Variants in ZNF804A observed in about 807,000 individuals in gnomAD.
The protein encoded by ZNF804A is zinc finger protein 804A.
A neutral mutation model predicts 16.5 loss-of-function variants in ZNF804A; 2 were observed. That is an observed-to-expected ratio of 0.12 (90% CI 0.05 to 0.38). The LOEUF (loss-of-function observed/expected upper bound fraction) is 0.38. ZNF804A is among the 10% of genes least tolerant of loss of function. The probability of loss-of-function intolerance (pLI) is 0.99; values close to 1 mark genes in which losing one functional copy is unlikely to be tolerated. For missense variants in ZNF804A, 1,473 were observed against 1,390.7 expected, an observed-to-expected ratio of 1.06 and a Z score of -0.94; for synonymous variants, 534 against 489.6, an observed-to-expected ratio of 1.09 and a Z score of -1.20.
At chr2:184,628,319 G>T (rs1407076129) in intron 1 of ZNF804A, among the ~76,000 whole-genome samples, 1 of 149,742 alleles carries the variant, frequency 6.7e-6, no homozygotes, top group African/African-American at 2.5e-5. Flanking sequence ...CTCTGAAAAA[G>T]AAAAGAAAGA....
intron 2 of ZNF804A, among the ~76,000 whole-genome samples, chr2:184,880,212 A>C (rs1166963295): frequency 1.3e-5 from 2 of 152,104 alleles, no homozygotes; most frequent in Admixed American, 1.3e-4. Flanking sequence ...TTATAAAGGA[A>C]TGTTAAATTA....
intron 1 of ZNF804A, among the ~76,000 whole-genome samples, chr2:184,645,104 A>T (rs1691851179): frequency 6.6e-6 from 1 of 152,118 alleles, no homozygotes; most frequent in African/African-American, 2.4e-5. Context: ...CCTATAAATG[A>T]CATAAGCCCA....
At chr2:184,932,113 G>A (rs897912577) in intron 2 of ZNF804A, among the ~76,000 whole-genome samples, 3 of 152,096 alleles carry the variant, frequency 2.0e-5, no homozygotes, top group Non-Finnish European at 4.4e-5. Flanking sequence ...TAAGCCATTT[G>A]ACAAGTCTGT....
At chr2:184,794,433 T>C (rs1339677861) in intron 1 of ZNF804A, among the ~76,000 whole-genome samples, 3 of 152,114 alleles carry the variant, frequency 2.0e-5, no homozygotes, top group Non-Finnish European at 2.9e-5. Context: ...CTCTTTTTTC[T>C]TGCTAATTCG....
At chr2:184,696,771 CT>C (rs1327708479) in intron 1 of ZNF804A, among the ~76,000 whole-genome samples, 1 of 151,866 alleles carries the variant, frequency 6.6e-6, no homozygotes, top group Non-Finnish European at 1.5e-5. Context: ...TTCCTTATTC[CT>C]GTGTTCTTGC....
intron 1 of ZNF804A, among the ~76,000 whole-genome samples, chr2:184,632,709 A>G (rs1381861793): frequency 6.6e-6 from 1 of 152,198 alleles, no homozygotes; most frequent in Non-Finnish European, 1.5e-5. Flanking sequence ...GCTCATATTC[A>G]AATGAAATGG....
intron 3 of ZNF804A, 114 bp downstream of exon 3, chr2:184,933,847 C>G (rs969649786): frequency 3.4e-5 from 36 of 1,067,900 alleles, no homozygotes; most frequent in Non-Finnish European, 4.5e-5. Flanking sequence ...GAATAAGGCA[C>G]ACATGTTTTC....
intron 2 of ZNF804A, among the ~76,000 whole-genome samples, 183 bp downstream of exon 2, chr2:184,866,695 A>T (rs1284994511): frequency 4.2e-5 from 6 of 144,424 alleles, no homozygotes; most frequent in African/African-American, 1.3e-4. Flanking sequence ...TTTTTTTTAA[A>T]AAAAAAGGCA....
At chr2:184,810,609 G>T (rs536966699) in intron 1 of ZNF804A, among the ~76,000 whole-genome samples, 2 of 148,310 alleles carry the variant, frequency 1.3e-5, no homozygotes, top group East Asian at 4.1e-4. Context: ...TCCTGTCTCA[G>T]CCTTCCGAGT....
chr2:184,754,611 T>G (rs1693930627), intron 1 of ZNF804A, among the ~76,000 whole-genome samples: 1 of 151,930 alleles, frequency 6.6e-6, no homozygotes, highest in Admixed American at 6.6e-5. Context: ...TATCTCGAAT[T>G]GAAACACATC....
chr2:184,900,847 G>C (rs1436822691), intron 2 of ZNF804A, among the ~76,000 whole-genome samples: 1 of 152,134 alleles, frequency 6.6e-6, no homozygotes, highest in Admixed American at 6.6e-5. Flanking sequence ...ATACACATCT[G>C]TCTGTATCCA....
At chr2:184,932,794 A>G (rs547664890) in intron 2 of ZNF804A, among the ~76,000 whole-genome samples, 9 of 152,302 alleles carry the variant, frequency 5.9e-5, no homozygotes, top group South Asian at 4.1e-4. Flanking sequence ...CCAAAATTAT[A>G]CCACACACAC....
At chr2:184,839,697 G>A (rs1211437696) in intron 1 of ZNF804A, among the ~76,000 whole-genome samples, 2 of 152,048 alleles carry the variant, frequency 1.3e-5, no homozygotes, top group Admixed American at 6.6e-5. Flanking sequence ...AATTCACGAT[G>A]TAAGAATACA....
intron 1 of ZNF804A, among the ~76,000 whole-genome samples, chr2:184,683,299 T>C (rs12693387): frequency 0.14 from 21,524 of 152,208 alleles, 1,639 homozygotes; most frequent in Middle Eastern, 0.23. Flanking sequence ...CACTTTTTTT[T>C]CTGTAGGTTT....
chr2:184,885,646 A>G (rs1171197151), intron 2 of ZNF804A, among the ~76,000 whole-genome samples: 2 of 152,162 alleles, frequency 1.3e-5, no homozygotes, highest in Non-Finnish European at 2.9e-5. Context: ...ATAGTTCTGT[A>G]CGTTCTGAGG....
intron 1 of ZNF804A, among the ~76,000 whole-genome samples, chr2:184,619,688 C>T (rs925682595): frequency 2.0e-5 from 3 of 151,764 alleles, no homozygotes; most frequent in African/African-American, 7.3e-5. Flanking sequence ...AGTATCTAGC[C>T]AGAAGTTATA....
chr2:184,730,498 T>A (rs1231545937), intron 1 of ZNF804A, among the ~76,000 whole-genome samples: 1 of 152,156 alleles, frequency 6.6e-6, no homozygotes, highest in Non-Finnish European at 1.5e-5. Context: ...CAGAGTAATT[T>A]CACTTCCCTA....
intron 1 of ZNF804A, among the ~76,000 whole-genome samples, chr2:184,782,055 G>A (rs968285516): frequency 1.3e-5 from 2 of 151,646 alleles, no homozygotes; most frequent in African/African-American, 4.8e-5. Flanking sequence ...AAGGATATGA[G>A]TTAGTGGATT....
intron 1 of ZNF804A, among the ~76,000 whole-genome samples, chr2:184,751,377 A>G (rs962323895): frequency 6.6e-5 from 10 of 151,512 alleles, no homozygotes; most frequent in African/African-American, 2.4e-4. Flanking sequence ...CTCAAAATGG[A>G]TTAAAGGGTT....
Sources: allele counts gnomAD v4.1 joint callset (sites outside exome capture counted in the v4.1 genomes callset), GRCh38; gene constraint gnomAD v4.1.1; transcripts MANE v1.5; gene names NCBI Gene and HGNC (gene_info 2026-07-23, HGNC 2026-07-21).